Variants in PRKG1 observed in about 807,000 individuals in gnomAD.
The protein encoded by PRKG1 is cGMP-dependent protein kinase 1.
PRKG1 carries 35 observed loss-of-function variants against 88.1 expected under a neutral mutation model. The observed-to-expected ratio is 0.40, with a 90% confidence interval of 0.30 to 0.53. The LOEUF (loss-of-function observed/expected upper bound fraction) is 0.53. Among genes scored for constraint, PRKG1 ranks in the 20% least tolerant of loss-of-function variants. The pLI, the probability that PRKG1 is intolerant of heterozygous loss-of-function variation, is 0.59. For missense variants in PRKG1, 540 were observed against 839.8 expected, an observed-to-expected ratio of 0.64 and a Z score of 4.41; for synonymous variants, 303 against 292.5, an observed-to-expected ratio of 1.04 and a Z score of -0.37.
At chr10:51,498,798 T>A (rs1284233440) in intron 3 of PRKG1, among the ~76,000 whole-genome samples, 1 of 152,190 alleles carries the variant, frequency 6.6e-6, no homozygotes, top group East Asian at 1.9e-4. Context: ...CTGAATACTC[T>A]TCTTCTGCAT....
chr10:51,561,415 T>C (rs1309672077), intron 3 of PRKG1, among the ~76,000 whole-genome samples: 1 of 152,122 alleles, frequency 6.6e-6, no homozygotes, highest in Non-Finnish European at 1.5e-5. Flanking sequence ...AAGTATTATC[T>C]TGTAAGGTCA....
intron 8 of PRKG1, among the ~76,000 whole-genome samples, chr10:52,155,339 A>G (rs1296146212): frequency 6.6e-6 from 1 of 152,104 alleles, no homozygotes; most frequent in Non-Finnish European, 1.5e-5. Context: ...ACAGTTAAGG[A>G]TTAAAAGTGA....
intron 5 of PRKG1, among the ~76,000 whole-genome samples, chr10:51,919,719 C>G (rs1248108692): frequency 6.6e-6 from 1 of 151,928 alleles, no homozygotes; most frequent in Non-Finnish European, 1.5e-5. Context: ...TCTACTCTAT[C>G]CTGTTTGTTG....
chr10:51,765,069 A>G (rs1449533271), intron 3 of PRKG1, among the ~76,000 whole-genome samples: 1 of 152,222 alleles, frequency 6.6e-6, no homozygotes, highest in Non-Finnish European at 1.5e-5. Flanking sequence ...ATAGCAGCTC[A>G]CATGGACTAA....
At chr10:51,679,870 C>T (rs1467974334) in intron 3 of PRKG1, among the ~76,000 whole-genome samples, 1 of 115,252 alleles carries the variant, frequency 8.7e-6, no homozygotes, top group African/African-American at 3.3e-5. Flanking sequence ...CTATCCCTCC[C>T]CCCTCCCCCG....
chr10:51,797,557 A>G (rs1839047950), intron 3 of PRKG1, among the ~76,000 whole-genome samples: 1 of 146,980 alleles, frequency 6.8e-6, no homozygotes, highest in Admixed American at 6.9e-5. Context: ...TAAATATAAT[A>G]TTTTATTATA....
chr10:52,210,091 T>C (rs1219751069), intron 9 of PRKG1, among the ~76,000 whole-genome samples: 1 of 152,168 alleles, frequency 6.6e-6, no homozygotes, highest in South Asian at 2.1e-4. Flanking sequence ...ATGTTAAACA[T>C]TTAGATGATG....
chr10:51,801,061 T>C (rs1839161267), intron 3 of PRKG1, among the ~76,000 whole-genome samples: 1 of 152,124 alleles, frequency 6.6e-6, no homozygotes, highest in African/African-American at 2.4e-5. Context: ...GTGTTGCCTT[T>C]TTTGTGTATT....
chr10:51,153,489 TTAAC>T lies in PRKG1; in HGVS notation c.478+163_478+166del, dbSNP rs142371458. 0.019 allele frequency among the ~76,000 whole-genome samples: 2,824 copies of T among 152,156 alleles called. 89 individuals are homozygous for T. Among genetic ancestry groups the T allele is most frequent in the African/African-American group, 0.065 (2,684 of 41,526 alleles). Reference sequence around the variant, plus strand: ...TTGAAACACTACTTAGATAAAGTGGTTAACTAATTATGGGAAGTGTTTGTATTTA... The same window carrying T: ...TTGAAACACTACTTAGATAAAGTGGTTAATTATGGGAAGTGTTTGTATTTA... On this transcript the variant is annotated intron_variant, in intron 2 of 17. Coordinates refer to ENST00000373980, the MANE Select transcript of PRKG1 (RefSeq NM_006258.4).
chr10:51,004,363 G>T (rs953363932), intron 1 of PRKG1, among the ~76,000 whole-genome samples: 58 of 152,250 alleles, frequency 3.8e-4, no homozygotes, highest in African/African-American at 1.3e-3. Flanking sequence ...ACAGGCTGAG[G>T]CAGGAGAAGT....
At chr10:51,126,725 G>C (rs551235444) in intron 1 of PRKG1, among the ~76,000 whole-genome samples, 183 of 151,932 alleles carry the variant, frequency 1.2e-3, no homozygotes, top group Middle Eastern at 3.4e-3. Flanking sequence ...TATACTACAA[G>C]GCTACAGTAA....
At chr10:51,846,610 C>G (rs1197471591) in intron 4 of PRKG1, among the ~76,000 whole-genome samples, 1 of 152,140 alleles carries the variant, frequency 6.6e-6, no homozygotes, top group Non-Finnish European at 1.5e-5. Context: ...GATCTTCTTT[C>G]TGTATTCATT....
intron 3 of PRKG1, among the ~76,000 whole-genome samples, chr10:51,665,265 T>C (rs1840395379): frequency 6.6e-6 from 1 of 152,132 alleles, no homozygotes; most frequent in Non-Finnish European, 1.5e-5. Flanking sequence ...TTTTGACAGA[T>C]AAAAATTAAA....
chr10:51,426,210 G>A (rs1217956209), intron 2 of PRKG1, among the ~76,000 whole-genome samples: 6 of 152,138 alleles, frequency 3.9e-5, no homozygotes. Flanking sequence ...GAACCTGGGA[G>A]GCAGAGGTTG....
intron 1 of PRKG1, among the ~76,000 whole-genome samples, chr10:51,130,934 A>C (rs1240808682): frequency 6.6e-6 from 1 of 152,154 alleles, no homozygotes; most frequent in Non-Finnish European, 1.5e-5. Context: ...AGAAAAAAGA[A>C]AAAGAAAAGC....
chr10:51,838,252 GA>G (rs956393360), intron 4 of PRKG1, among the ~76,000 whole-genome samples: 1 of 152,080 alleles, frequency 6.6e-6, no homozygotes, highest in Non-Finnish European at 1.5e-5. Flanking sequence ...GTGATCTAAA[GA>G]TTTTCTCTGG....
At chr10:51,429,386 G>A (rs1026070591) in intron 2 of PRKG1, among the ~76,000 whole-genome samples, 1 of 152,072 alleles carries the variant, frequency 6.6e-6, no homozygotes, top group African/African-American at 2.4e-5. Context: ...ATCCAGACTT[G>A]CTGTACTATA....
At chr10:51,918,333 ATT>A (rs11316174) in intron 5 of PRKG1, among the ~76,000 whole-genome samples, 2 of 128,410 alleles carry the variant, frequency 1.6e-5, no homozygotes, top group African/African-American at 5.4e-5. Context: ...GACTTGACTT[ATT>A]TTTTTTTTAT....
At chr10:51,687,452 AT>A (rs1841023808) in intron 3 of PRKG1, among the ~76,000 whole-genome samples, 1 of 152,198 alleles carries the variant, frequency 6.6e-6, no homozygotes, top group Non-Finnish European at 1.5e-5. Context: ...AAGCATGCTG[AT>A]TTGACAGCTT....
Sources: gnomAD v4.1 joint callset for allele counts (sites outside exome capture counted in the v4.1 genomes callset) on GRCh38, gnomAD v4.1.1 for gene constraint, MANE v1.5 for transcripts, NCBI Gene and HGNC (gene_info 2026-07-23, HGNC 2026-07-21) for gene names.